The following CMSS1 variants were observed in gnomAD, a reference collection of about 807,000 sequenced individuals.
CMSS1 encodes protein CMSS1.
A neutral mutation model predicts 43.5 loss-of-function variants in CMSS1; 33 were observed. The observed-to-expected ratio is 0.76, with a 90% CI of 0.57 to 1.01. The LOEUF is 1.01. Ranked by LOEUF, CMSS1 falls within the 50% of genes least tolerant of loss-of-function variation. CMSS1 has a pLI of 0.00. For missense variants in CMSS1, 313 were observed against 326.4 expected, an observed-to-expected ratio of 0.96 and a Z score of 0.32; for synonymous variants, 115 against 117.2, an observed-to-expected ratio of 0.98 and a Z score of 0.12.
chr3:100,153,241 A>AT lies in CMSS1; in HGVS notation c.153+6186dup, dbSNP rs140635326. 1.5e-3 allele frequency among the ~76,000 whole-genome samples: 226 copies of AT among 152,308 alleles called. 1 individual carries two copies. In the East Asian group the frequency reaches 0.038, roughly 26 times the overall value. On this transcript the variant is annotated intron_variant, in intron 2 of 9. Coordinates refer to ENST00000421999, the MANE Select transcript of CMSS1 (RefSeq NM_032359.4). The stretch of plus-strand genomic sequence containing the variant: ...CCTCAGAGGCAACAACTGTTCCGAT[A>AT]TTTTTTCTAAAAAATTAATTTTGCC...
chr3:100,097,249 C>T (rs1461665940), intron 1 of CMSS1, among the ~76,000 whole-genome samples: 1 of 152,178 alleles, frequency 6.6e-6, no homozygotes, highest in African/African-American at 2.4e-5. Flanking sequence ...ACCAACCATC[C>T]CATCCGTGGA....
chr3:99,844,689 T>G lies in CMSS1; in HGVS notation c.64+26646T>G, dbSNP rs144399979. Among the ~76,000 whole-genome samples the G allele has an allele frequency of 4.0e-3, 604 of 152,298 alleles. 4 individuals are homozygous for G. The highest frequency in any genetic ancestry group is 0.013 in the African/African-American group (561 of 41,566). On this transcript the variant is annotated intron_variant, in intron 1 of 9. Coordinates refer to ENST00000421999, the MANE Select transcript of CMSS1 (RefSeq NM_032359.4). ...TCTCACAGCTCCCCTAATTTTATCC[T>G]TTATGGGTTATGTATGTGGTTTAGC...
At chr3:99,927,923 C>T (rs1707348942) in intron 1 of CMSS1, among the ~76,000 whole-genome samples, 2 of 152,080 alleles carry the variant, frequency 1.3e-5, no homozygotes, top group South Asian at 4.1e-4. Flanking sequence ...TGTCATGTAA[C>T]CGAGAGCTGT....
intron 2 of CMSS1, chr3:100,159,918 T>C (rs1381970561): frequency 1.3e-5 from 6 of 456,536 alleles, no homozygotes; most frequent in African/African-American, 1.0e-4. Context: ...TATAAAAACG[T>C]AAGTTAATAT....
chr3:99,883,631 A>C, intron 1 of CMSS1, among the ~76,000 whole-genome samples: 1 of 152,076 alleles, frequency 6.6e-6, no homozygotes, highest in East Asian at 1.9e-4. Context: ...ACAACTGCAC[A>C]CCCAAATGTT....
At chr3:100,010,768 C>T (rs577037840) in intron 1 of CMSS1, among the ~76,000 whole-genome samples, 4 of 145,586 alleles carry the variant, frequency 2.7e-5, no homozygotes, top group African/African-American at 7.6e-5. Context: ...GTGCGCGCCT[C>T]CACGCCCGGA....
chr3:99,850,402 A>G (rs773217518), intron 1 of CMSS1: 3 of 1,613,694 alleles, frequency 1.9e-6, no homozygotes, highest in African/African-American at 1.3e-5. Flanking sequence ...TTCCAGAGCC[A>G]TAATTCTTTT....
At chr3:100,126,326 A>T (rs1420129058) in intron 1 of CMSS1, among the ~76,000 whole-genome samples, 1 of 152,258 alleles carries the variant, frequency 6.6e-6, no homozygotes, top group Non-Finnish European at 1.5e-5. Context: ...TTTAATAATC[A>T]AAGGAAGCTA....
chr3:99,896,504 A>T (rs1706257772), intron 1 of CMSS1, among the ~76,000 whole-genome samples: 1 of 152,202 alleles, frequency 6.6e-6, no homozygotes, highest in African/African-American at 2.4e-5. Context: ...CTTCATACAG[A>T]GTCCTTTGAG....
chr3:99,998,155 T>G (rs181198759), intron 1 of CMSS1, among the ~76,000 whole-genome samples: 6 of 152,356 alleles, frequency 3.9e-5, no homozygotes, highest in Non-Finnish European at 5.9e-5. Context: ...CAGCAAGATC[T>G]GTTACCATCT....
chr3:99,938,453 CAT>C (rs1707758340), intron 1 of CMSS1, among the ~76,000 whole-genome samples: 2 of 152,306 alleles, frequency 1.3e-5, no homozygotes, highest in South Asian at 4.2e-4. Context: ...GTACGACACT[CAT>C]GGCCAAGGAA....
At chr3:100,013,648 GCTT>G (rs1559725372) in intron 1 of CMSS1, among the ~76,000 whole-genome samples, 1 of 152,078 alleles carries the variant, frequency 6.6e-6, no homozygotes, top group African/African-American at 2.4e-5. Context: ...TATAAAATAA[GCTT>G]CTTCTAAACA....
intron 1 of CMSS1, among the ~76,000 whole-genome samples, chr3:99,889,613 G>T (rs1706020524): frequency 6.6e-6 from 1 of 151,776 alleles, no homozygotes; most frequent in Non-Finnish European, 1.5e-5. Context: ...AATTCCATTT[G>T]TACCACCTTT....
intron 1 of CMSS1, among the ~76,000 whole-genome samples, chr3:100,021,222 A>G (rs764538803): frequency 1.3e-5 from 2 of 152,150 alleles, no homozygotes; most frequent in Admixed American, 1.3e-4. Context: ...AAGCAAAACC[A>G]TTGGAAGTAG....
chr3:99,879,608 A>G (rs1439521704), intron 1 of CMSS1, among the ~76,000 whole-genome samples: 5 of 152,220 alleles, frequency 3.3e-5, no homozygotes, highest in Non-Finnish European at 4.4e-5. Flanking sequence ...AGTAATTAAT[A>G]GGATGTTTCT....
chr3:100,154,923 G>T (rs746224277), intron 2 of CMSS1, among the ~76,000 whole-genome samples: 6 of 152,204 alleles, frequency 3.9e-5, no homozygotes, highest in Non-Finnish European at 5.9e-5. Flanking sequence ...AGTGAGCTGA[G>T]ATCATGATGC....
At chr3:100,083,897 A>G (rs1332861439) in intron 1 of CMSS1, among the ~76,000 whole-genome samples, 2 of 152,190 alleles carry the variant, frequency 1.3e-5, no homozygotes, top group African/African-American at 2.4e-5. Flanking sequence ...TGGAAGTTCT[A>G]TAGTAGATTT....
intron 1 of CMSS1, chr3:99,924,507 G>T: frequency 8.2e-7 from 1 of 1,221,872 alleles, no homozygotes; most frequent in Non-Finnish European, 1.2e-6. Flanking sequence ...TTCGGCAGTG[G>T]GTTTTTTTGG....
chr3:100,052,361 A>G (rs2065388571), intron 1 of CMSS1, among the ~76,000 whole-genome samples: 2 of 152,230 alleles, frequency 1.3e-5, no homozygotes, highest in African/African-American at 2.4e-5. Context: ...CTCTGCACCA[A>G]AATTCCAGGG....
Sources: allele counts gnomAD v4.1 joint callset (sites outside exome capture counted in the v4.1 genomes callset), GRCh38; gene constraint gnomAD v4.1.1; transcripts MANE v1.5; gene names NCBI Gene and HGNC (gene_info 2026-07-23, HGNC 2026-07-21).